SLC8A1: variants seen among roughly 807,000 people sequenced by gnomAD.
The protein encoded by SLC8A1 is sodium/calcium exchanger 1.
A neutral mutation model predicts 68.3 loss-of-function variants in SLC8A1; 18 were observed. The observed-to-expected ratio is 0.26, with a 90% CI of 0.18 to 0.39. The LOEUF (loss-of-function observed/expected upper bound fraction) is 0.39, where lower values mean the gene tolerates loss of function less well. Ranked by LOEUF, SLC8A1 falls within the 10% of genes least tolerant of loss-of-function variation. The pLI is 1.00. For missense variants in SLC8A1, 985 were observed against 1,156.7 expected, an observed-to-expected ratio of 0.85 and a Z score of 2.15; for synonymous variants, 475 against 415.5, an observed-to-expected ratio of 1.14 and a Z score of -1.74.
intron 3 of SLC8A1, chr2:40,175,857 T>A: frequency 3.0e-6 from 1 of 335,604 alleles, no homozygotes; most frequent in Non-Finnish European, 5.9e-6. Context: ...GATGTTCTAT[T>A]TGGATGATAT....
rs181481860 is a variant in SLC8A1 at position 40,143,185 on chromosome 2, C to T, written c.2162-3509G>A. 2.2e-3 allele frequency among the ~76,000 whole-genome samples: 342 copies of T among 152,224 alleles called. 4 individuals carry two copies. Among genetic ancestry groups the T allele is most frequent in the African/African-American group, 7.6e-3 (316 of 41,540 alleles). Reference sequence around the variant, plus strand: ...ATCACTTAAATATTAAAAATGACCACGGACTGCCATGCATGATGCACAATT... The same window carrying T: ...ATCACTTAAATATTAAAAATGACCATGGACTGCCATGCATGATGCACAATT... On this transcript the variant is annotated intron_variant, in intron 6 of 7. Coordinates refer to ENST00000406785, the Ensembl canonical transcript of SLC8A1.
At chr2:40,497,134 T>C (rs1576670640) in intron 1 of SLC8A1, among the ~76,000 whole-genome samples, 1 of 151,506 alleles carries the variant, frequency 6.6e-6, no homozygotes, top group Admixed American at 6.6e-5. Flanking sequence ...AAAGAAAAAA[T>C]AGGATTATTA....
intron 2 of SLC8A1, among the ~76,000 whole-genome samples, chr2:40,268,767 A>G (rs1383979722): frequency 1.3e-5 from 2 of 152,302 alleles, no homozygotes; most frequent in East Asian, 3.9e-4. Context: ...TGACAGCCCA[A>G]GAACTAAGAG....
chr2:40,214,262 G>C (rs1196324506), intron 2 of SLC8A1, among the ~76,000 whole-genome samples: 1 of 152,130 alleles, frequency 6.6e-6, no homozygotes, highest in East Asian at 1.9e-4. Context: ...TTTCCTCACA[G>C]TCTCTGGAGT....
intron 2 of SLC8A1, among the ~76,000 whole-genome samples, chr2:40,380,648 C>T (rs1190572585): frequency 6.6e-6 from 1 of 152,046 alleles, no homozygotes; most frequent in Non-Finnish European, 1.5e-5. Flanking sequence ...TAGCTTACGG[C>T]AAGTGATGAG....
chr2:40,229,353 A>T (rs2059365472), intron 2 of SLC8A1, among the ~76,000 whole-genome samples: 1 of 152,184 alleles, frequency 6.6e-6, no homozygotes, highest in African/African-American at 2.4e-5. Flanking sequence ...ATAAATAAAT[A>T]TATTTGTAAT....
chr2:40,149,343 G>A (rs1406291105), intron 6 of SLC8A1, among the ~76,000 whole-genome samples: 2 of 152,114 alleles, frequency 1.3e-5, no homozygotes, highest in Non-Finnish European at 2.9e-5. Flanking sequence ...TCTGGCAAGG[G>A]GAGATAGTAA....
chr2:40,475,594 T>A (rs1265036029), intron 1 of SLC8A1, among the ~76,000 whole-genome samples: 1 of 152,066 alleles, frequency 6.6e-6, no homozygotes, highest in Non-Finnish European at 1.5e-5. Context: ...AATACATATG[T>A]ACATGACATA....
chr2:40,232,415 T>TC (rs1177424544), intron 2 of SLC8A1, among the ~76,000 whole-genome samples: 4 of 151,014 alleles, frequency 2.6e-5, no homozygotes, highest in African/African-American at 9.7e-5. Context: ...GTCTTCAGTT[T>TC]TTTTTTCAAG....
chr2:40,374,476 A>G (rs1451832648), intron 2 of SLC8A1, among the ~76,000 whole-genome samples: 1 of 152,054 alleles, frequency 6.6e-6, no homozygotes, highest in East Asian at 1.9e-4. Flanking sequence ...GTATATATAT[A>G]TGTATGTATT....
chr2:40,115,055 C>T (rs72791077), exon 8 of SLC8A1: 682 of 324,290 alleles, frequency 2.1e-3, no homozygotes, highest in Middle Eastern at 4.4e-3. Context: ...TGCCTCCATG[C>T]CTTGTTGAAC....
intron 1 of SLC8A1, among the ~76,000 whole-genome samples, chr2:40,479,694 A>G (rs1704508578): frequency 6.6e-6 from 1 of 152,218 alleles, no homozygotes; most frequent in East Asian, 1.9e-4. Flanking sequence ...GGTAAGTACC[A>G]AAGTATTGAC....
At chr2:40,359,600 G>C (rs959465844) in intron 2 of SLC8A1, among the ~76,000 whole-genome samples, 3 of 152,104 alleles carry the variant, frequency 2.0e-5, no homozygotes, top group Non-Finnish European at 2.9e-5. Flanking sequence ...TCAAGAAGTA[G>C]AGATAAGAGG....
chr2:40,372,595 T>C (rs1249925904), intron 2 of SLC8A1, among the ~76,000 whole-genome samples: 1 of 152,148 alleles, frequency 6.6e-6, no homozygotes, highest in Non-Finnish European at 1.5e-5. Flanking sequence ...TTTTCTTTTT[T>C]TCTCCTTTCT....
At chr2:40,292,246 C>T (rs1322126838) in intron 2 of SLC8A1, among the ~76,000 whole-genome samples, 1 of 152,094 alleles carries the variant, frequency 6.6e-6, no homozygotes, top group East Asian at 1.9e-4. Context: ...AACTTTTGTA[C>T]CCCTGATGCT....
chr2:40,265,277 T>C (rs1349526424), intron 2 of SLC8A1, among the ~76,000 whole-genome samples: 1 of 152,200 alleles, frequency 6.6e-6, no homozygotes, highest in African/African-American at 2.4e-5. Context: ...TTATTCTAAC[T>C]TTCCAAAGAT....
chr2:40,202,010 G>T (rs913215246), intron 2 of SLC8A1, among the ~76,000 whole-genome samples: 2 of 151,962 alleles, frequency 1.3e-5, no homozygotes, highest in Non-Finnish European at 2.9e-5. Context: ...ATGCATGCTG[G>T]TGTGTGTACA....
chr2:40,247,589 A>C (rs1048556367), intron 2 of SLC8A1, among the ~76,000 whole-genome samples: 2 of 152,210 alleles, frequency 1.3e-5, no homozygotes, highest in African/African-American at 4.8e-5. Context: ...GTCACGTGTC[A>C]CATTAGCTGT....
intron 1 of SLC8A1, among the ~76,000 whole-genome samples, chr2:40,440,416 G>T (rs1576505798): frequency 6.6e-6 from 1 of 152,250 alleles, no homozygotes; most frequent in East Asian, 1.9e-4. Context: ...TTCTATCTAT[G>T]AAGCCTTTGC....
Sources: allele counts gnomAD v4.1 joint callset (sites outside exome capture counted in the v4.1 genomes callset), GRCh38; gene constraint gnomAD v4.1.1; transcripts MANE v1.5; gene names NCBI Gene and HGNC (gene_info 2026-07-23, HGNC 2026-07-21).